The following ZNF804A variants were observed in gnomAD, a reference collection of about 807,000 sequenced individuals.
ZNF804A encodes the protein zinc finger protein 804A.
In ZNF804A, 2 loss-of-function variants were observed where a neutral mutation model predicts 16.5. That is an observed-to-expected ratio of 0.12 (90% CI 0.05 to 0.38). The LOEUF (loss-of-function observed/expected upper bound fraction) is 0.38. Ranked by LOEUF, ZNF804A falls within the 10% of genes least tolerant of loss-of-function variation. ZNF804A has a pLI of 0.99. For missense variants in ZNF804A, 1,473 were observed against 1,390.7 expected, an observed-to-expected ratio of 1.06 and a Z score of -0.94; for synonymous variants, 534 against 489.6, an observed-to-expected ratio of 1.09 and a Z score of -1.20.
intron 2 of ZNF804A, among the ~76,000 whole-genome samples, chr2:184,871,039 C>T (rs1249313042): frequency 6.6e-6 from 1 of 150,646 alleles, no homozygotes; most frequent in African/African-American, 2.4e-5. Flanking sequence ...TTCAGAAATG[C>T]CTTAGAATTT....
intron 1 of ZNF804A, among the ~76,000 whole-genome samples, chr2:184,673,135 G>A (rs1692364574): frequency 1.3e-5 from 2 of 152,080 alleles, no homozygotes; most frequent in Admixed American, 6.6e-5. Context: ...AAGAGGGTAT[G>A]AAAAGATGAG....
At chr2:184,913,965 C>A (rs557704033) in intron 2 of ZNF804A, among the ~76,000 whole-genome samples, 7 of 152,146 alleles carry the variant, frequency 4.6e-5, no homozygotes, top group Non-Finnish European at 8.8e-5. Flanking sequence ...TATTTGACCC[C>A]AGATGCTCAA....
chr2:184,642,865 T>G (rs1421881774), intron 1 of ZNF804A, among the ~76,000 whole-genome samples: 1 of 152,148 alleles, frequency 6.6e-6, no homozygotes, highest in Non-Finnish European at 1.5e-5. Flanking sequence ...AAACAAAATC[T>G]TTTAGAATGA....
chr2:184,777,437 T>G (rs1185744379), intron 1 of ZNF804A, among the ~76,000 whole-genome samples: 1 of 151,606 alleles, frequency 6.6e-6, no homozygotes, highest in Non-Finnish European at 1.5e-5. Flanking sequence ...TTTCCTTCCC[T>G]ATTGGTTTAC....
At chr2:184,827,404 A>T (rs1695182863) in intron 1 of ZNF804A, among the ~76,000 whole-genome samples, 1 of 147,706 alleles carries the variant, frequency 6.8e-6, no homozygotes, top group African/African-American at 2.5e-5. Flanking sequence ...TTAATTATTT[A>T]AATTGATAAC....
chr2:184,896,152 A>T (rs1685061899), intron 2 of ZNF804A, among the ~76,000 whole-genome samples: 2 of 152,170 alleles, frequency 1.3e-5, no homozygotes, highest in African/African-American at 4.8e-5. Context: ...CACACAAAAC[A>T]CGACCTACCT....
At chr2:184,840,927 T>G (rs1206472548) in intron 1 of ZNF804A, among the ~76,000 whole-genome samples, 1 of 152,148 alleles carries the variant, frequency 6.6e-6, no homozygotes, top group Non-Finnish European at 1.5e-5. Flanking sequence ...CATATTCAGT[T>G]GAATTTTACT....
chr2:184,883,473 A>C lies in ZNF804A; in HGVS notation c.255+16961A>C, dbSNP rs937437845. Among the ~76,000 whole-genome samples, 10 of 152,188 alleles carry C rather than the reference A, an allele frequency of 6.6e-5. 1 individual carries two copies. Among genetic ancestry groups the C allele is most frequent in the South Asian group, 2.1e-4 (1 of 4,824 alleles). On this transcript the variant is annotated intron_variant, in intron 2 of 3. Coordinates refer to ENST00000302277, the MANE Select transcript of ZNF804A (RefSeq NM_194250.2). ...AAAACCTGGCAGAGACACACACACA[A>C]AAAAGAAAATGTCAAGCCAATATCC...
intron 1 of ZNF804A, among the ~76,000 whole-genome samples, chr2:184,758,520 C>T (rs904697270): frequency 2.6e-5 from 4 of 151,886 alleles, no homozygotes; most frequent in African/African-American, 9.7e-5. Context: ...TGTAATAATG[C>T]TAGGATTTCA....
intron 1 of ZNF804A, among the ~76,000 whole-genome samples, chr2:184,610,527 G>C (rs1691219089): frequency 6.6e-6 from 1 of 151,768 alleles, no homozygotes; most frequent in South Asian, 2.1e-4. Context: ...TTAACAACTG[G>C]TCAAGGACAA....
At chr2:184,751,536 A>G (rs146816459) in intron 1 of ZNF804A, among the ~76,000 whole-genome samples, 10 of 151,606 alleles carry the variant, frequency 6.6e-5, no homozygotes, top group African/African-American at 2.4e-4. Flanking sequence ...CAAATTAACA[A>G]GATTCTACAT....
At chr2:184,831,711 C>CA (rs753163373) in intron 1 of ZNF804A, among the ~76,000 whole-genome samples, 30 of 151,132 alleles carry the variant, frequency 2.0e-4, no homozygotes, top group Non-Finnish European at 3.8e-4. Flanking sequence ...AAAGGAATAT[C>CA]CTCCTATGTG....
intron 1 of ZNF804A, among the ~76,000 whole-genome samples, chr2:184,705,600 A>G (rs1357292663): frequency 6.6e-6 from 1 of 152,164 alleles, no homozygotes; most frequent in Non-Finnish European, 1.5e-5. Context: ...CTCTGAAGGC[A>G]TGGTACCTAT....
intron 1 of ZNF804A, among the ~76,000 whole-genome samples, chr2:184,757,299 C>T (rs1339396881): frequency 6.6e-6 from 1 of 151,956 alleles, no homozygotes; most frequent in Non-Finnish European, 1.5e-5. Flanking sequence ...GACCCAAATC[C>T]TTGCACAAAG....
At chr2:184,602,917 G>C (rs964697862) in intron 1 of ZNF804A, among the ~76,000 whole-genome samples, 19 of 152,146 alleles carry the variant, frequency 1.2e-4, no homozygotes, top group African/African-American at 4.3e-4. Flanking sequence ...AGATGGTATT[G>C]TGTTATCTGT....
intron 1 of ZNF804A, among the ~76,000 whole-genome samples, chr2:184,659,543 C>T (rs185951423): frequency 1.9e-4 from 29 of 151,724 alleles, no homozygotes; most frequent in Admixed American, 5.2e-4. Flanking sequence ...CTTATAAAAA[C>T]ACATTATGAT....
intron 1 of ZNF804A, among the ~76,000 whole-genome samples, chr2:184,811,926 T>A (rs1273818811): frequency 6.6e-6 from 1 of 152,160 alleles, no homozygotes; most frequent in African/African-American, 2.4e-5. Flanking sequence ...GTTGTTATTA[T>A]TTTAGAAAAG....
intron 1 of ZNF804A, among the ~76,000 whole-genome samples, chr2:184,730,690 C>T (rs1468708551): frequency 1.3e-5 from 2 of 152,088 alleles, no homozygotes; most frequent in African/African-American, 4.8e-5. Flanking sequence ...TCCATATCTT[C>T]TTGTGCCTTG....
chr2:184,704,196 G>T (rs1397716750), intron 1 of ZNF804A, among the ~76,000 whole-genome samples: 1 of 150,548 alleles, frequency 6.6e-6, no homozygotes, highest in East Asian at 2.0e-4. Context: ...TTGTTGCCCA[G>T]GCTGGAGTGC....
Sources: gnomAD v4.1 joint callset for allele counts (sites outside exome capture counted in the v4.1 genomes callset) on GRCh38, gnomAD v4.1.1 for gene constraint, MANE v1.5 for transcripts, NCBI Gene and HGNC (gene_info 2026-07-23, HGNC 2026-07-21) for gene names.